Variants in HMGXB3 observed in about 807,000 individuals in gnomAD.
HMGXB3 encodes HMG domain-containing protein 3.
A neutral mutation model predicts 121.5 loss-of-function variants in HMGXB3; 45 were observed. The ratio of observed to expected loss-of-function variants is 0.37; its 90% CI spans 0.29 to 0.47. The LOEUF (loss-of-function observed/expected upper bound fraction) is 0.47, where lower values mean the gene tolerates loss of function less well. HMGXB3 is among the 20% of genes least tolerant of loss of function. HMGXB3 has a pLI of 0.99. For synonymous variants in HMGXB3, 590 were observed against 624.1 expected, an observed-to-expected ratio of 0.95 and a Z score of 0.81; for missense variants, 1,376 against 1,602.2, an observed-to-expected ratio of 0.86 and a Z score of 2.41.
intron 11 of HMGXB3, 97 bp from the exon 12 acceptor site, chr5:150,036,539 G>A (rs1465907954): frequency 5.4e-6 from 6 of 1,120,864 alleles, no homozygotes; most frequent in Non-Finnish European, 7.5e-6. Flanking sequence ...TCAGTCATGG[G>A]CCCCATCTGT....
At chr5:150,030,958 G>T in intron 10 of HMGXB3, 119 bp downstream of exon 10, 1 of 647,662 alleles carries the variant, frequency 1.5e-6, no homozygotes, top group Non-Finnish European at 2.8e-6. Context: ...ACAGGGTCAG[G>T]TATAGATTGT....
intron 8 of HMGXB3, 50 bp from the exon 9 acceptor site, chr5:150,026,970 G>A: frequency 6.5e-7 from 1 of 1,540,212 alleles, no homozygotes; most frequent in Non-Finnish European, 8.8e-7. Context: ...AGAGACTTGG[G>A]GAGACTCTGA....
At chr5:150,014,964 G>C in intron 5 of HMGXB3, 1 of 947,356 alleles carries the variant, frequency 1.1e-6, no homozygotes, top group Non-Finnish European at 1.4e-6. Context: ...CTTAAAAATG[G>C]GAAAATTTCA....
rs185826753 is a variant in HMGXB3, at chr5:150,025,730, G to A, written c.1461-976G>A. ...CTACAGGCACGCACTACCACACCTG[G>A]CTAATTTTTGTATTTTTTTTTTTGT... is the stretch of plus-strand genomic sequence containing the variant. On this transcript the variant is annotated intron_variant, in intron 7 of 19. Transcript: ENST00000502717. Among the ~76,000 whole-genome samples, 105 of 152,078 alleles carry A rather than the reference G, an allele frequency of 6.9e-4. 1 individual carries two copies. Among genetic ancestry groups the A allele is most frequent in the Admixed American group, 6.9e-3 (105 of 15,278 alleles).
At chr5:150,015,308 A>G (rs1006531324) in intron 5 of HMGXB3, among the ~76,000 whole-genome samples, 4 of 149,004 alleles carry the variant, frequency 2.7e-5, no homozygotes, top group African/African-American at 1.0e-4. Context: ...TTTTTTTGGT[A>G]AATAAGGTTT....
chr5:150,021,880 C>G, intron 6 of HMGXB3: 1 of 510,936 alleles, frequency 2.0e-6, no homozygotes, highest in South Asian at 1.4e-5. Flanking sequence ...GAATTGCCAC[C>G]TCCAGCTCCA....
intron 1 of HMGXB3, among the ~76,000 whole-genome samples, chr5:150,003,948 AAAAAAC>A (rs201702151): frequency 0.011 from 1,706 of 152,248 alleles, 26 homozygotes; most frequent in African/African-American, 0.039. Flanking sequence ...ACCCTGTCTC[AAAAAAC>A]AAAAACAAAA....
chr5:150,017,873 A>G (rs1457376494), intron 5 of HMGXB3, among the ~76,000 whole-genome samples: 1 of 152,232 alleles, frequency 6.6e-6, no homozygotes, highest in Non-Finnish European at 1.5e-5. Context: ...CCATAGTAAT[A>G]CATTTTGCTC....
At chr5:150,022,866 C>CCCAGGCA (rs1363209798) in intron 6 of HMGXB3, among the ~76,000 whole-genome samples, 1 of 148,162 alleles carries the variant, frequency 6.7e-6, no homozygotes, top group Non-Finnish European at 1.5e-5. Flanking sequence ...CGCTCTGTCA[C>CCCAGGCA]CCAGGCATGA....
intron 6 of HMGXB3, among the ~76,000 whole-genome samples, chr5:150,020,260 A>G (rs1183089526): frequency 6.6e-6 from 1 of 152,204 alleles, no homozygotes; most frequent in African/African-American, 2.4e-5. Context: ...AATGTCTCAC[A>G]GGGGGTTTTG....
chr5:150,009,777 G>A (rs564970880), intron 3 of HMGXB3, among the ~76,000 whole-genome samples: 1 of 152,312 alleles, frequency 6.6e-6, no homozygotes, highest in East Asian at 1.9e-4. Flanking sequence ...GCCTCAGGAG[G>A]GGAAAGGATT....
At chr5:150,044,168 G>A (rs2113760007) in intron 15 of HMGXB3, among the ~76,000 whole-genome samples, 1 of 152,318 alleles carries the variant, frequency 6.6e-6, no homozygotes, top group Non-Finnish European at 1.5e-5. Context: ...GAGTAGTGTG[G>A]TATGTGTGGG....
In HMGXB3 at chr5:150,024,403, G is replaced by C; in HGVS notation, c.1183G>C (p.Glu395Gln). ...NASKLTLENSEAVSQLLNVAP... is the reference protein window; with the variant it reads ...NASKLTLENSQAVSQLLNVAP... ...CTCCAAACTGACTCTGGAGAATTCG[G>C]AAGCTGTAAGCCAGCTCCTGAACGT... Residue 395 changes from glutamate to glutamine, a missense_variant, in exon 7 of 20, where the codon GAA becomes CAA. Around this residue, in one of 2 missense-constraint regions of HMGXB3, gnomAD observed 1,116 missense variants for 1,369.0 expected, o/e 0.82. Coordinates refer to ENST00000502717, the MANE Select transcript of HMGXB3 (RefSeq NM_014983.3). 14 of 1,551,742 alleles carry C rather than the reference G, an allele frequency of 9.0e-6. No homozygotes were observed. The highest frequency in any genetic ancestry group is 1.4e-5 in the African/African-American group (1 of 73,174).
intron 11 of HMGXB3, 93 bp from the exon 12 acceptor site, chr5:150,036,543 C>T: frequency 8.6e-7 from 1 of 1,165,658 alleles, no homozygotes; most frequent in Non-Finnish European, 1.2e-6. Context: ...TCATGGGCCC[C>T]ATCTGTCTGC....
chr5:150,042,957 G>A (rs2113759114), intron 15 of HMGXB3, among the ~76,000 whole-genome samples: 1 of 152,278 alleles, frequency 6.6e-6, no homozygotes, highest in South Asian at 2.1e-4. Context: ...AGAAATTGGG[G>A]CTGAATATAC....
chr5:150,014,468 TAGGTACAGTAGCACTTTAAAGAA>T (rs1485866970), intron 5 of HMGXB3, among the ~76,000 whole-genome samples: 3 of 152,232 alleles, frequency 2.0e-5, no homozygotes, highest in Non-Finnish European at 4.4e-5. Context: ...ATACTTTCGA[TAGGTACAGTAGCACTTTAAAGAA>T]AACCACTGTG....
At chr5:150,009,051 CTGTT>C (rs1412045840) in intron 3 of HMGXB3, among the ~76,000 whole-genome samples, 1 of 151,750 alleles carries the variant, frequency 6.6e-6, no homozygotes, top group Non-Finnish European at 1.5e-5. Flanking sequence ...TTTTTTTGTT[CTGTT>C]TAATTTTAGG....
intron 3 of HMGXB3, 79 bp downstream of exon 3, chr5:150,006,726 G>A (rs1561848017): frequency 7.9e-7 from 1 of 1,258,172 alleles, no homozygotes; most frequent in Non-Finnish European, 1.1e-6. Flanking sequence ...CCCTTGTTCT[G>A]TTTCCTTTTC....
chr5:150,045,228 G>A (rs1247223766), intron 15 of HMGXB3, among the ~76,000 whole-genome samples: 1 of 152,208 alleles, frequency 6.6e-6, no homozygotes, highest in African/African-American at 2.4e-5. Flanking sequence ...TATAGAAACA[G>A]AAGGGATTTA....
Sources: allele counts gnomAD v4.1 joint callset (sites outside exome capture counted in the v4.1 genomes callset), GRCh38; gene constraint gnomAD v4.1.1; regional missense constraint gnomAD v4.1.1; transcripts MANE v1.5; gene names NCBI Gene and HGNC (gene_info 2026-07-23, HGNC 2026-07-21).